The following CNOT6 variants were observed in gnomAD, a reference collection of about 807,000 sequenced individuals.
CNOT6 encodes the protein CCR4-NOT transcription complex subunit 6.
Under a neutral mutation model 61.2 loss-of-function variants are expected in CNOT6, and 12 were observed. That is an observed-to-expected ratio of 0.20 (90% CI 0.13 to 0.32). The LOEUF is 0.32. Ranked by LOEUF, CNOT6 falls within the 10% of genes least tolerant of loss-of-function variation. CNOT6 has a pLI of 1.00. For synonymous variants in CNOT6, 225 were observed against 240.6 expected (o/e 0.94, Z 0.60); for missense variants, 405 against 663.9 (o/e 0.61, Z 4.28).
chr5:180,547,672 T>A (rs886188200), intron 2 of CNOT6, among the ~76,000 whole-genome samples: 3 of 152,318 alleles, frequency 2.0e-5, no homozygotes, highest in South Asian at 4.1e-4. Flanking sequence ...AGCCATTTGG[T>A]TAAGATGTAC....
intron 7 of CNOT6, 42 bp from the exon 8 acceptor site, chr5:180,567,046 T>G: frequency 6.4e-7 from 1 of 1,559,070 alleles, no homozygotes; most frequent in South Asian, 1.2e-5. Context: ...TGCAGACTAA[T>G]TTTTGTCTTA....
chr5:180,563,456 A>C (rs1209922371), intron 4 of CNOT6, among the ~76,000 whole-genome samples: 1 of 150,708 alleles, frequency 6.6e-6, no homozygotes. Flanking sequence ...GTTAGCCAGG[A>C]TGGTCTCGAT....
chr5:180,501,277 A>G (rs1463889082), intron 1 of CNOT6, among the ~76,000 whole-genome samples: 1 of 152,222 alleles, frequency 6.6e-6, no homozygotes, highest in Non-Finnish European at 1.5e-5. Context: ...ACAGGATACC[A>G]GAATTAGGGA....
chr5:180,541,956 G>GCAAT (rs1759072490), intron 2 of CNOT6, among the ~76,000 whole-genome samples: 1 of 151,842 alleles, frequency 6.6e-6, no homozygotes, highest in Admixed American at 6.6e-5. Flanking sequence ...CTGGCCTCAA[G>GCAAT]CAATCCTTCT....
At chr5:180,540,663 A>G (rs1758985723) in intron 2 of CNOT6, among the ~76,000 whole-genome samples, 1 of 152,220 alleles carries the variant, frequency 6.6e-6, no homozygotes, top group Non-Finnish European at 1.5e-5. Flanking sequence ...TGGTAGGTTA[A>G]GTATATTAAA....
At chr5:180,508,524 A>G (rs1482546116) in intron 1 of CNOT6, among the ~76,000 whole-genome samples, 1 of 151,984 alleles carries the variant, frequency 6.6e-6, no homozygotes, top group African/African-American at 2.4e-5. Flanking sequence ...GTTGGCCAGG[A>G]TGGTCTCGAT....
chr5:180,554,735 G>T (rs2127750132), intron 4 of CNOT6, among the ~76,000 whole-genome samples: 1 of 152,216 alleles, frequency 6.6e-6, no homozygotes, highest in African/African-American at 2.4e-5. Context: ...GAAAAGTACT[G>T]TGTGGCAAAG....
intron 2 of CNOT6, among the ~76,000 whole-genome samples, chr5:180,539,428 T>TA (rs1758901251): frequency 6.6e-6 from 1 of 151,890 alleles, no homozygotes; most frequent in Admixed American, 6.6e-5. Context: ...TATCATTTTT[T>TA]AAATATCTTT....
intron 2 of CNOT6, among the ~76,000 whole-genome samples, chr5:180,549,191 T>G (rs1470636589): frequency 1.3e-5 from 2 of 152,200 alleles, no homozygotes; most frequent in Non-Finnish European, 2.9e-5. Flanking sequence ...TGTGTTCCTT[T>G]TTGTTTTTAG....
chr5:180,515,183 C>T (rs886100574), intron 1 of CNOT6, among the ~76,000 whole-genome samples: 3 of 151,154 alleles, frequency 2.0e-5, no homozygotes, highest in Non-Finnish European at 2.9e-5. Flanking sequence ...TTCGGGAGGT[C>T]GAGGCAGGAG....
chr5:180,528,547 C>A (rs964734900), intron 1 of CNOT6, among the ~76,000 whole-genome samples: 2 of 152,078 alleles, frequency 1.3e-5, no homozygotes, highest in African/African-American at 4.8e-5. Flanking sequence ...AATCTCCTGA[C>A]CTCGTGATTC....
At chr5:180,554,639 TA>T (rs144439638) in intron 4 of CNOT6, among the ~76,000 whole-genome samples, 2,237 of 152,318 alleles carry the variant, frequency 0.015, 47 homozygotes, top group African/African-American at 0.051. Flanking sequence ...CTAAGGCTTC[TA>T]AATATAAAGG....
At chr5:180,557,755 G>T (rs1434385483) in intron 4 of CNOT6, among the ~76,000 whole-genome samples, 1 of 152,128 alleles carries the variant, frequency 6.6e-6, no homozygotes, top group African/African-American at 2.4e-5. Context: ...CTTGTTTCAA[G>T]TCTAAGAACT....
intron 3 of CNOT6, among the ~76,000 whole-genome samples, chr5:180,550,779 G>T (rs1289786527): frequency 6.6e-6 from 1 of 152,168 alleles, no homozygotes; most frequent in African/African-American, 2.4e-5. Context: ...ACCATTGCCA[G>T]TTGGTGAAAC....
intron 4 of CNOT6, among the ~76,000 whole-genome samples, chr5:180,563,175 T>C (rs1407543375): frequency 6.6e-5 from 10 of 152,206 alleles, no homozygotes; most frequent in Admixed American, 6.5e-4. Flanking sequence ...GTTAACAGTG[T>C]TTGCCAACCT....
intron 1 of CNOT6, 51 bp downstream of exon 1, chr5:180,494,814 C>G (rs1451357214): frequency 6.6e-6 from 1 of 151,942 alleles, no homozygotes; most frequent in East Asian, 1.9e-4. Flanking sequence ...CTCTCTCCGG[C>G]CGCGCACGGA....
At chr5:180,535,051 C>G (rs112524122) in intron 2 of CNOT6, among the ~76,000 whole-genome samples, 2 of 95,502 alleles carry the variant, frequency 2.1e-5, no homozygotes, top group Non-Finnish European at 2.6e-5. Flanking sequence ...GGCCGGAGTC[C>G]CTGGGGTCCG....
At chr5:180,536,576 G>GA (rs1758711760) in intron 2 of CNOT6, among the ~76,000 whole-genome samples, 1 of 152,102 alleles carries the variant, frequency 6.6e-6, no homozygotes, top group Non-Finnish European at 1.5e-5. Flanking sequence ...CTGAGTAGCT[G>GA]GGACTACAGG....
At position 180,571,421 on chromosome 5, in the gene CNOT6, T is replaced by C. The variant is rs1174183823; in HGVS notation, c.1450T>C (p.Phe484Leu). 1.9e-6 allele frequency: 3 copies of C among 1,613,490 alleles called. No individual in the cohort carries two copies. Among genetic ancestry groups the C allele is most frequent in the Non-Finnish European group, 1.7e-6 (2 of 1,179,406 alleles). ...SGLMPYTNYT[F>L]DFKGIIDYIF... ...CCTGATGCCTTACACGAATTACACA[T>C]TTGATTTCAAGGTGTGTCTTGAGAC... The change falls in exon 11 of 12, where the codon TTT becomes CTT. Residue 484 changes from phenylalanine (F) to leucine (L), a missense_variant. Phe to Leu is a conservative substitution (Grantham distance 22). This residue lies in a region of CNOT6 where 116 missense variants were observed against 184.6 expected (regional missense o/e 0.63). Coordinates refer to ENST00000261951, the MANE Select transcript of CNOT6 (RefSeq NM_001370472.1).
Sources: allele counts gnomAD v4.1 joint callset (sites outside exome capture counted in the v4.1 genomes callset), GRCh38; gene constraint gnomAD v4.1.1; regional missense constraint gnomAD v4.1.1; transcripts MANE v1.5; gene names NCBI Gene and HGNC (gene_info 2026-07-23, HGNC 2026-07-21).